PCDHGB1: variants seen among roughly 807,000 people sequenced by gnomAD.
The protein encoded by PCDHGB1 is protocadherin gamma subfamily B, 1.
PCDHGB1 carries 34 observed loss-of-function variants against 56.6 expected under a neutral mutation model. The ratio of observed to expected loss-of-function variants is 0.60; its 90% CI spans 0.46 to 0.80. PCDHGB1 has a LOEUF of 0.80. Among genes scored for constraint, PCDHGB1 ranks in the 30% least tolerant of loss-of-function variants. The pLI is 0.00. For synonymous variants in PCDHGB1, 561 were observed against 505.9 expected (o/e 1.11, Z -1.46); for missense variants, 1,278 against 1,204.6 (o/e 1.06, Z -0.90).
chr5:141,450,569 T>G (rs1325535745), intron 1 of PCDHGB1, among the ~76,000 whole-genome samples: 1 of 149,800 alleles, frequency 6.7e-6, no homozygotes, highest in African/African-American at 2.5e-5. Flanking sequence ...TCACTGCAAC[T>G]TCTGCCTCCC....
rs1758882465 is a variant in PCDHGB1, at chr5:141,351,983, C to T, written c.1723C>T (p.Pro575Ser). Residue 575 changes from proline to serine, a missense_variant, in exon 1 of 4, where the codon CCA becomes TCA. Physicochemically the swap from Pro to Ser is moderately conservative, Grantham distance 74 (BLOSUM62 -1). Transcript: ENST00000523390. The part of the protein sequence containing the change: ...PDGSALFDMV[P>S]RAAEPGYLVT... ...TGGCTCCGCCCTCTTCGATATGGTG[C>T]CACGCGCCGCAGAGCCCGGCTACCT... The T allele has an allele frequency of 3.1e-6, 5 of 1,611,764 alleles. No homozygotes were observed. The highest frequency in any genetic ancestry group is 4.2e-6 in the Non-Finnish European group (5 of 1,179,606).
rs1349908482 is a variant in PCDHGB1 at position 141,352,111 on chromosome 5, G to A, written c.1851G>A (p.Leu617=). ...ASEPGLFSLG[L]RTGEVRTARA... ...AGCCCGGGCTCTTCAGCCTGGGGTT[G>A]CGCACGGGTGAGGTGCGCACAGCGC... The change falls in exon 1 of 4, where the codon TTG becomes TTA. Residue 617 remains leucine (L), a synonymous_variant. Transcript: ENST00000523390. 10 of 1,607,660 alleles carry A rather than the reference G, an allele frequency of 6.2e-6. 1 individual carries two copies. The highest frequency in any genetic ancestry group is 8.5e-6 in the Non-Finnish European group (10 of 1,177,870).
rs778684539 is a variant in PCDHGB1 at position 141,477,205 on chromosome 5, G to A, written c.2410-17602G>A. ...CCTCCGTGTACAGCCCAGTACCCGA[G>A]GATGCCCCTCTGGGGACTGTCATCG... On this transcript the variant is annotated intron_variant, in intron 1 of 3. Transcript: ENST00000523390. The surrounding 1 kb of genome is among the most constrained non-coding windows in gnomAD (Gnocchi z 4.9). 1 of 1,614,184 alleles carries A rather than the reference G, an allele frequency of 6.2e-7. No homozygotes were observed. The highest frequency in any genetic ancestry group is 8.5e-7 in the Non-Finnish European group (1 of 1,180,042).
At chr5:141,438,621 TATATATATATATATACAC>T (rs1369797568) in intron 1 of PCDHGB1, among the ~76,000 whole-genome samples, 6 of 41,386 alleles carry the variant, frequency 1.4e-4, no homozygotes, top group South Asian at 9.0e-4. Context: ...TATATATATA[TATATATATATATATACAC>T]ACACACACAC....
rs71576115 is a variant in PCDHGB1, at chr5:141,463,438, CTTTT to C, written c.2410-31344_2410-31341del. Among the ~76,000 whole-genome samples, 12 of 103,242 alleles carry C rather than the reference CTTTT, an allele frequency of 1.2e-4. No homozygotes were observed. In the South Asian group the frequency reaches 1.6e-3, roughly 14 times the overall value. 67.7% of individuals were successfully genotyped at this position (103,242 alleles called of 152,430 possible). ...GTTTGCGGATCCTCATTTCCTTCTCCTTTTTTTTTTTTTTTTTTTTTTTTTTTTG... is the reference window on the plus strand; with the variant it reads ...GTTTGCGGATCCTCATTTCCTTCTCCTTTTTTTTTTTTTTTTTTTTTTTTG... On this transcript the variant is annotated intron_variant, in intron 1 of 3. Coordinates refer to ENST00000523390, the MANE Select transcript of PCDHGB1 (RefSeq NM_018922.3).
At chr5:141,410,847 G>GTATTT in intron 1 of PCDHGB1, 1 of 158,252 alleles carries the variant, frequency 6.3e-6, no homozygotes. Flanking sequence ...TTTTGTCTTT[G>GTATTT]TCTTTTTTTT....
At chr5:141,409,036 C>T in intron 1 of PCDHGB1, 1 of 1,614,020 alleles carries the variant, frequency 6.2e-7, no homozygotes, top group Non-Finnish European at 8.5e-7. Context: ...CTGAGATAAA[C>T]TACTACTTCC....
chr5:141,385,638 T>A, intron 1 of PCDHGB1: 1 of 831,764 alleles, frequency 1.2e-6, no homozygotes, highest in Non-Finnish European at 1.5e-6. Context: ...ATCGAGTCTT[T>A]CATATTGCAC....
chr5:141,389,196 C>T, intron 1 of PCDHGB1: 1 of 1,614,048 alleles, frequency 6.2e-7, no homozygotes, highest in South Asian at 1.1e-5. Flanking sequence ...CAGCATCACC[C>T]TGCACATTGG....
chr5:141,356,985 C>T, intron 1 of PCDHGB1: 2 of 1,614,208 alleles, frequency 1.2e-6, no homozygotes, highest in Non-Finnish European at 1.7e-6. Context: ...TGGCAGTGGA[C>T]AGAGACTCAG....
At chr5:141,414,460 A>G in intron 1 of PCDHGB1, 1 of 1,613,922 alleles carries the variant, frequency 6.2e-7, no homozygotes, top group Non-Finnish European at 8.5e-7. Context: ...AGTGACAGCC[A>G]CAGATGGGGG....
chr5:141,398,937 C>A, intron 1 of PCDHGB1: 1 of 1,613,902 alleles, frequency 6.2e-7, no homozygotes. Context: ...CTGACCAAGA[C>A]GAGGGCATCA....
At chr5:141,389,513 C>T (rs749432491) in intron 1 of PCDHGB1, 3 of 1,613,156 alleles carry the variant, frequency 1.9e-6, no homozygotes, top group South Asian at 1.1e-5. Context: ...TCAGCGCGAA[C>T]GTGAGCCTGC....
intron 1 of PCDHGB1, among the ~76,000 whole-genome samples, chr5:141,450,572 T>A (rs1276283357): frequency 6.6e-6 from 1 of 151,710 alleles, no homozygotes; most frequent in African/African-American, 2.4e-5. Flanking sequence ...CTGCAACTTC[T>A]GCCTCCCAGG....
At chr5:141,447,768 T>C (rs1392134454) in intron 1 of PCDHGB1, among the ~76,000 whole-genome samples, 1 of 152,212 alleles carries the variant, frequency 6.6e-6, no homozygotes, top group East Asian at 1.9e-4. Context: ...ATATAAATTA[T>C]ACTTTAATTG....
intron 1 of PCDHGB1, among the ~76,000 whole-genome samples, chr5:141,353,385 A>T: frequency 6.6e-6 from 1 of 152,332 alleles, no homozygotes; most frequent in Middle Eastern, 3.4e-3. Context: ...TATTAATGTA[A>T]TTATGTAATT....
intron 1 of PCDHGB1, chr5:141,424,104 A>G (rs1049098128): frequency 6.2e-6 from 5 of 812,458 alleles, no homozygotes; most frequent in Non-Finnish European, 6.1e-6. Flanking sequence ...ATTACTGCTA[A>G]TGTTCAAATT....
At chr5:141,464,096 C>T (rs2099075769) in intron 1 of PCDHGB1, among the ~76,000 whole-genome samples, 1 of 152,016 alleles carries the variant, frequency 6.6e-6, no homozygotes, top group African/African-American at 2.4e-5. Context: ...GAAACTCCGT[C>T]TCTACTAAAA....
At position 141,485,614 on chromosome 5, in the gene PCDHGB1, T is replaced by G; in HGVS notation, c.2410-9193T>G. 1 of 1,612,236 alleles carries G rather than the reference T, an allele frequency of 6.2e-7. No individual in the cohort carries two copies. Among genetic ancestry groups the G allele is most frequent in the Non-Finnish European group, 8.5e-7 (1 of 1,178,686 alleles). On this transcript the variant is annotated intron_variant, in intron 1 of 3. Transcript: ENST00000523390. The surrounding 1 kb of genome is among the most constrained non-coding windows in gnomAD (Gnocchi z 5.7). ...ACTTGGAAATTGGGGAGGCAGCTCC[T>G]CCAGGACAGCGTTTCCCGTTGGAAA...
Sources: gnomAD v4.1 joint callset for allele counts (sites outside exome capture counted in the v4.1 genomes callset) on GRCh38, gnomAD v4.1.1 for gene constraint, Gnocchi (gnomAD v3.1) non-coding constraint, MANE v1.5 for transcripts, NCBI Gene and HGNC (gene_info 2026-07-23, HGNC 2026-07-21) for gene names.